The following CEP112 variants were observed in gnomAD, a reference collection of about 807,000 sequenced individuals.
The protein encoded by CEP112 is centrosomal protein of 112 kDa.
Under a neutral mutation model 153.0 loss-of-function variants are expected in CEP112, and 127 were observed. The observed-to-expected ratio is 0.83, with a 90% CI of 0.72 to 0.96. The LOEUF (loss-of-function observed/expected upper bound fraction) is 0.96. CEP112 is among the 40% of genes least tolerant of loss of function. The pLI, the probability that CEP112 is intolerant of heterozygous loss-of-function variation, is 0.00. For synonymous variants in CEP112, 358 were observed against 374.4 expected (o/e 0.96, Z 0.51); for missense variants, 1,089 against 1,101.2 (o/e 0.99, Z 0.16).
intron 13 of CEP112, among the ~76,000 whole-genome samples, chr17:66,029,650 C>T (rs1281666104): frequency 6.6e-6 from 1 of 152,008 alleles, no homozygotes; most frequent in African/African-American, 2.4e-5. Context: ...ATACAGTGAG[C>T]CATGATCACA....
At chr17:65,717,635 A>G (rs1208610307) in intron 23 of CEP112, among the ~76,000 whole-genome samples, 1 of 152,200 alleles carries the variant, frequency 6.6e-6, no homozygotes, top group Non-Finnish European at 1.5e-5. Flanking sequence ...TATGGATGCT[A>G]TACAGTAAAT....
intron 20 of CEP112, among the ~76,000 whole-genome samples, chr17:65,895,334 CTTGTTGTTG>C (rs34014813): frequency 6.6e-6 from 1 of 151,434 alleles, no homozygotes; most frequent in South Asian, 2.1e-4. Context: ...ACCATAAATA[CTTGTTGTTG>C]TTGTTGTTGT....
chr17:66,159,607 TTATCTC>T (rs2071607358), intron 4 of CEP112, among the ~76,000 whole-genome samples: 1 of 152,172 alleles, frequency 6.6e-6, no homozygotes, highest in South Asian at 2.1e-4. Flanking sequence ...AACCACATGA[TTATCTC>T]AATAGATGCA....
At chr17:65,918,751 G>A (rs781677124) in intron 19 of CEP112, among the ~76,000 whole-genome samples, 1 of 152,202 alleles carries the variant, frequency 6.6e-6, no homozygotes, top group African/African-American at 2.4e-5. Context: ...AAATCTTGAT[G>A]AAAGCTTGGG....
At chr17:65,699,948 C>G (rs938889325) in intron 23 of CEP112, among the ~76,000 whole-genome samples, 2 of 152,162 alleles carry the variant, frequency 1.3e-5, no homozygotes, top group African/African-American at 4.8e-5. Flanking sequence ...TACTGATGAT[C>G]CAGTGGCCTT....
chr17:65,639,329 C>T (rs993500702), intron 25 of CEP112, among the ~76,000 whole-genome samples: 3 of 152,004 alleles, frequency 2.0e-5, no homozygotes, highest in African/African-American at 7.2e-5. Flanking sequence ...AGGCAAAGTA[C>T]TTGATACAGG....
intron 24 of CEP112, among the ~76,000 whole-genome samples, chr17:65,687,244 G>A (rs1458698088): frequency 7.4e-6 from 1 of 135,062 alleles, no homozygotes; most frequent in African/African-American, 2.8e-5. Flanking sequence ...TCGGCTCACT[G>A]CAACCTCCGC....
intron 17 of CEP112, among the ~76,000 whole-genome samples, chr17:65,994,707 A>G (rs1236798255): frequency 6.6e-6 from 1 of 152,212 alleles, no homozygotes; most frequent in Non-Finnish European, 1.5e-5. Context: ...GGGGGAAAAT[A>G]GGAAACACAC....
At chr17:65,666,850 A>G (rs541482420) in intron 24 of CEP112, among the ~76,000 whole-genome samples, 1 of 152,272 alleles carries the variant, frequency 6.6e-6, no homozygotes, top group East Asian at 1.9e-4. Flanking sequence ...GGCAAGGCAT[A>G]CTCAAGGTAC....
At chr17:65,654,068 A>AAAAAAAAAAAAAAAAAAAAAAAAAG (rs2045934371) in intron 24 of CEP112, among the ~76,000 whole-genome samples, 2 of 150,088 alleles carry the variant, frequency 1.3e-5, no homozygotes, top group African/African-American at 4.9e-5. Flanking sequence ...AAAAAAAAAA[A>AAAAAAAAAAAAAAAAAAAAAAAAAG]AAAAAAAAAA....
intron 21 of CEP112, among the ~76,000 whole-genome samples, chr17:65,848,858 C>A (rs1338767341): frequency 6.6e-6 from 1 of 151,880 alleles, no homozygotes; most frequent in Non-Finnish European, 1.5e-5. Flanking sequence ...TGTCCCCTTG[C>A]TACTGCCGAC....
intron 17 of CEP112, among the ~76,000 whole-genome samples, chr17:65,976,471 A>T (rs2063038309): frequency 6.6e-6 from 1 of 152,068 alleles, no homozygotes. Flanking sequence ...CCTGAAATGT[A>T]TTGTTCCTAA....
At chr17:66,064,854 A>G (rs1598275157) in intron 10 of CEP112, among the ~76,000 whole-genome samples, 1 of 152,354 alleles carries the variant, frequency 6.6e-6, no homozygotes, top group East Asian at 1.9e-4. Context: ...GACACTGGTA[A>G]TATTTGGAGA....
intron 24 of CEP112, chr17:65,655,208 G>T (rs866868404): frequency 1.2e-4 from 96 of 799,022 alleles, no homozygotes; most frequent in Middle Eastern, 5.6e-4. Flanking sequence ...ACTGGCGCTT[G>T]TTGCAACCTA....
At chr17:65,925,339 T>G (rs2060887122) in intron 19 of CEP112, among the ~76,000 whole-genome samples, 1 of 152,202 alleles carries the variant, frequency 6.6e-6, no homozygotes, top group African/African-American at 2.4e-5. Flanking sequence ...AATTACCCAG[T>G]CTTGGGTATG....
intron 16 of CEP112, among the ~76,000 whole-genome samples, chr17:66,014,076 C>T (rs528557194): frequency 6.6e-6 from 1 of 152,328 alleles, no homozygotes; most frequent in African/African-American, 2.4e-5. Context: ...GTGGGATGCA[C>T]GCACATCACT....
intron 18 of CEP112, among the ~76,000 whole-genome samples, chr17:65,944,823 G>C (rs1235254464): frequency 1.3e-5 from 2 of 152,112 alleles, no homozygotes; most frequent in African/African-American, 4.8e-5. Context: ...GGGCTCAAGT[G>C]ATCATCTCAC....
chr17:66,021,718 T>C (rs1368039099), intron 16 of CEP112, among the ~76,000 whole-genome samples: 2 of 152,142 alleles, frequency 1.3e-5, no homozygotes, highest in African/African-American at 4.8e-5. Flanking sequence ...TAGACCCCTG[T>C]CAGGGCTGGT....
At chr17:66,112,039 C>T (rs1428026832) in intron 6 of CEP112, among the ~76,000 whole-genome samples, 1 of 151,996 alleles carries the variant, frequency 6.6e-6, no homozygotes, top group Non-Finnish European at 1.5e-5. Flanking sequence ...ACCTGTAATC[C>T]CAGCACTTTG....
Sources: allele counts gnomAD v4.1 joint callset (sites outside exome capture counted in the v4.1 genomes callset), GRCh38; gene constraint gnomAD v4.1.1; transcripts MANE v1.5; gene names NCBI Gene and HGNC (gene_info 2026-07-23, HGNC 2026-07-21).